Variants in GALNT13 observed in about 807,000 individuals in gnomAD.
GALNT13 encodes the protein polypeptide N-acetylgalactosaminyltransferase 13, also known as UDP-GalNAc:polypeptide N-acetylgalactosaminyltransferase 13.
In GALNT13, 28 loss-of-function variants were observed where a neutral mutation model predicts 64.2. The observed-to-expected ratio is 0.44, with a 90% CI of 0.32 to 0.60. GALNT13 has a LOEUF of 0.60. Ranked by LOEUF, GALNT13 falls within the 20% of genes least tolerant of loss-of-function variation. The pLI, the probability that GALNT13 is intolerant of heterozygous loss-of-function variation, is 0.05. For missense variants in GALNT13, 577 were observed against 669.8 expected, an observed-to-expected ratio of 0.86 and a Z score of 1.53; for synonymous variants, 214 against 224.6, an observed-to-expected ratio of 0.95 and a Z score of 0.42.
chr2:154,186,244 T>C (rs900082778), intron 4 of GALNT13, among the ~76,000 whole-genome samples: 3 of 152,098 alleles, frequency 2.0e-5, no homozygotes, highest in Non-Finnish European at 4.4e-5. Flanking sequence ...AAATTCCCAA[T>C]TGTTAAATGA....
At chr2:153,650,160 A>C in the GALNT13 span, among the ~76,000 whole-genome samples, 6 of 151,980 alleles carry the variant, frequency 3.9e-5, no homozygotes, top group East Asian at 1.9e-4. Flanking sequence ...GTATTGGGTG[A>C]ATATATATTT....
intron 4 of GALNT13, among the ~76,000 whole-genome samples, chr2:154,165,211 G>A (rs938170152): frequency 1.3e-5 from 2 of 152,026 alleles, no homozygotes; most frequent in African/African-American, 4.8e-5. Context: ...AATCTAACAG[G>A]GGTCAATTAG....
chr2:153,240,415 A>T, the GALNT13 span, among the ~76,000 whole-genome samples: 3 of 152,044 alleles, frequency 2.0e-5, no homozygotes, highest in Non-Finnish European at 4.4e-5. Flanking sequence ...GGTGGTTACA[A>T]ATTTGGGGCT....
chr2:153,261,310 G>A, the GALNT13 span, among the ~76,000 whole-genome samples: 1 of 152,114 alleles, frequency 6.6e-6, no homozygotes, highest in Non-Finnish European at 1.5e-5. Flanking sequence ...ATTTATTGTA[G>A]TATTCTCAGT....
At chr2:153,653,961 G>C in the GALNT13 span, among the ~76,000 whole-genome samples, 1 of 152,062 alleles carries the variant, frequency 6.6e-6, no homozygotes, top group Non-Finnish European at 1.5e-5. Flanking sequence ...GTAAAATATT[G>C]ATGTAAAAAC....
At chr2:153,553,193 C>G in the GALNT13 span, among the ~76,000 whole-genome samples, 1 of 152,178 alleles carries the variant, frequency 6.6e-6, no homozygotes, top group Non-Finnish European at 1.5e-5. Context: ...CCAAATCTAG[C>G]TCATCATGAA....
chr2:154,414,594 A>G (rs1485355103), intron 11 of GALNT13, among the ~76,000 whole-genome samples: 1 of 151,894 alleles, frequency 6.6e-6, no homozygotes, highest in African/African-American at 2.4e-5. Context: ...TTATCAGTGC[A>G]TTTAATGATT....
chr2:153,243,818 T>C, the GALNT13 span, among the ~76,000 whole-genome samples: 2 of 152,186 alleles, frequency 1.3e-5, no homozygotes, highest in South Asian at 2.1e-4. Context: ...GAAAACACAC[T>C]GATGCAGGGT....
chr2:154,389,945 A>C (rs914614920), intron 9 of GALNT13, among the ~76,000 whole-genome samples: 1 of 152,132 alleles, frequency 6.6e-6, no homozygotes, highest in Non-Finnish European at 1.5e-5. Context: ...GTCCAGATGC[A>C]GTGATCTGGT....
intron 4 of GALNT13, among the ~76,000 whole-genome samples, chr2:154,209,320 T>G (rs1687642639): frequency 6.6e-6 from 1 of 152,174 alleles, no homozygotes; most frequent in South Asian, 2.1e-4. Flanking sequence ...GTGGAGAATG[T>G]AATGAAAGCT....
chr2:154,187,592 C>A (rs1242561555), intron 4 of GALNT13, among the ~76,000 whole-genome samples: 1 of 151,930 alleles, frequency 6.6e-6, no homozygotes, highest in East Asian at 1.9e-4. Context: ...AAGTTTAAGT[C>A]ATTGTTTTAT....
chr2:154,003,015 GAC>G (rs1696015837), intron 3 of GALNT13, among the ~76,000 whole-genome samples: 1 of 152,092 alleles, frequency 6.6e-6, no homozygotes, highest in South Asian at 2.1e-4. Context: ...GGGGATTCTT[GAC>G]ACAAATACTT....
the GALNT13 span, among the ~76,000 whole-genome samples, chr2:153,133,568 C>A: frequency 6.6e-6 from 1 of 152,172 alleles, no homozygotes; most frequent in East Asian, 1.9e-4. Flanking sequence ...GTGACAAGAA[C>A]CCGGTTTTTA....
At chr2:153,247,970 G>A in the GALNT13 span, among the ~76,000 whole-genome samples, 1 of 152,154 alleles carries the variant, frequency 6.6e-6, no homozygotes, top group Non-Finnish European at 1.5e-5. Flanking sequence ...GGAAGAAATG[G>A]ATAAATTCCT....
At chr2:153,827,603 G>A in the GALNT13 span, among the ~76,000 whole-genome samples, 1 of 146,822 alleles carries the variant, frequency 6.8e-6, no homozygotes, top group African/African-American at 2.5e-5. Context: ...TCCAGCCTGG[G>A]CAACAGAGCG....
chr2:154,369,814 C>G (rs769473618), intron 9 of GALNT13, among the ~76,000 whole-genome samples: 2 of 152,148 alleles, frequency 1.3e-5, no homozygotes, highest in Non-Finnish European at 2.9e-5. Context: ...AATGAAGTTT[C>G]ATTCCAAAGC....
chr2:153,451,358 T>G, the GALNT13 span, among the ~76,000 whole-genome samples: 3 of 152,158 alleles, frequency 2.0e-5, no homozygotes, highest in Non-Finnish European at 4.4e-5. Context: ...CTTCTTAGCT[T>G]AAGTCTATTA....
the GALNT13 span, among the ~76,000 whole-genome samples, chr2:153,769,394 A>G: frequency 8.6e-5 from 13 of 152,036 alleles, no homozygotes; most frequent in Non-Finnish European, 1.5e-4. Flanking sequence ...CCCCACCCCA[A>G]TGCTAAAAAT....
chr2:153,486,825 A>C, the GALNT13 span, among the ~76,000 whole-genome samples: 2 of 152,298 alleles, frequency 1.3e-5, no homozygotes, highest in South Asian at 4.1e-4. Context: ...TGTACTCTTT[A>C]AAGTCTGCAT....
Sources: gnomAD v4.1 joint callset for allele counts (sites outside exome capture counted in the v4.1 genomes callset) on GRCh38, gnomAD v4.1.1 for gene constraint, MANE v1.5 for transcripts, NCBI Gene and HGNC (gene_info 2026-07-23, HGNC 2026-07-21) for gene names.